N4BP1: variants seen among roughly 807,000 people sequenced by gnomAD.
N4BP1 encodes NEDD4-binding protein 1.
A neutral mutation model predicts 70.9 loss-of-function variants in N4BP1; 21 were observed. That is an observed-to-expected ratio of 0.30 (90% CI 0.21 to 0.43). The LOEUF (loss-of-function observed/expected upper bound fraction) is 0.43, where lower values mean the gene tolerates loss of function less well. Ranked by LOEUF, N4BP1 falls within the 20% of genes least tolerant of loss-of-function variation. The pLI is 1.00. For missense variants in N4BP1, 936 were observed against 1,069.4 expected (o/e 0.88, Z 1.74); for synonymous variants, 387 against 394.6 (o/e 0.98, Z 0.23).
At chr16:48,546,414 C>G (rs905153395) in intron 5 of N4BP1, 160 bp from the exon 6 acceptor site, 1 of 428,420 alleles carries the variant, frequency 2.3e-6, no homozygotes, top group African/African-American at 2.0e-5. Flanking sequence ...ACACCCAAGT[C>G]AAACCCTTTT....
chr16:48,560,170 C>G (rs1963832295), intron 2 of N4BP1, among the ~76,000 whole-genome samples: 1 of 152,052 alleles, frequency 6.6e-6, no homozygotes. Context: ...CCAAGACAGG[C>G]TAACTAGAAA....
chr16:48,542,972 C>T lies in N4BP1; in HGVS notation c.2623G>A (p.Asp875Asn). 1 of 1,614,016 alleles carries T rather than the reference C, an allele frequency of 6.2e-7. No homozygotes were observed. Among genetic ancestry groups the T allele is most frequent in the Non-Finnish European group, 8.5e-7 (1 of 1,179,882 alleles). The change falls in exon 7 of 7, where the codon GAC (aspartate) becomes AAC (asparagine). Residue 875 changes from aspartate to asparagine, a missense_variant. Physicochemically the swap from Asp to Asn is conservative, Grantham distance 23. Coordinates refer to ENST00000262384, the MANE Select transcript of N4BP1 (RefSeq NM_153029.4). ...TATGGGTGGGCCACCAAGATCTGGT[C>T]TATTTTCAGTCTTTGCTCTGAGTCA... ...FPDSEQRLKI[D>N]QILVAHPYMK...
Position 48,610,126 on chromosome 16 carries a change from A to G in N4BP1, c.-154T>C. 1 of 218,016 alleles carries G rather than the reference A, an allele frequency of 4.6e-6. No individual in the cohort carries two copies. The highest frequency in any genetic ancestry group is 7.9e-6 in the Non-Finnish European group (1 of 127,144). The allele number at this position is 218,016 out of a possible 1,614,324, so 13.5% of individuals were successfully genotyped here. On this transcript the variant is annotated 5_prime_UTR_variant, in exon 1 of 7. An upstream open reading frame in the 5' UTR loses its in-frame stop. Coordinates refer to ENST00000262384, the MANE Select transcript of N4BP1 (RefSeq NM_153029.4). ...CCGCCGCCCGCCCTCAGGCCCGGCT[A>G]TACCATCCCGCCACGACCGCAGCAG...
In N4BP1 at chr16:48,542,217, A is replaced by C. The variant is rs1294512532; in HGVS notation, c.*687T>G. Reference sequence around the variant, plus strand: ...CACACTGGGCCGTCCCCTTTTGCGCAGGGTGGAAGGGGGAAGGAGGGTGGG... The same window carrying C: ...CACACTGGGCCGTCCCCTTTTGCGCCGGGTGGAAGGGGGAAGGAGGGTGGG... On this transcript the variant is annotated 3_prime_UTR_variant, in exon 7 of 7. Coordinates refer to ENST00000262384, the MANE Select transcript of N4BP1 (RefSeq NM_153029.4). 1 of 151,010 alleles carries C rather than the reference A, an allele frequency of 6.6e-6. No homozygotes were observed. 9.4% of individuals were successfully genotyped at this position (151,010 alleles called of 1,614,324 possible).
chr16:48,606,374 T>C (rs76235746), intron 1 of N4BP1, among the ~76,000 whole-genome samples: 92 of 152,306 alleles, frequency 6.0e-4, no homozygotes, highest in African/African-American at 2.0e-3. Flanking sequence ...AAATCCTCAC[T>C]GACTATTAAA....
rs775483636 is a variant in N4BP1, at chr16:48,547,992, A to G, written c.2225+15T>C. ...ACAAAACTTTTCTGACCAAAGACAA[A>G]GAAGAAAATATTACCTTTTTGTAAT... On this transcript the variant is annotated intron_variant, in intron 5 of 6. Transcript: ENST00000262384. The G allele has an allele frequency of 3.8e-5, 56 of 1,466,540 alleles. No homozygotes were observed. The highest frequency in any genetic ancestry group is 5.1e-5 in the Non-Finnish European group (54 of 1,053,676). 90.8% of individuals were successfully genotyped at this position (1,466,540 alleles called of 1,614,324 possible).
rs751964629 is a variant in N4BP1 at position 48,561,993 on chromosome 16, T to C, written c.650A>G (p.Gln217Arg). Residue 217 changes from glutamine (Q) to arginine (R), a missense_variant, in exon 2 of 7, where the codon CAG becomes CGG. Coordinates refer to ENST00000262384, the MANE Select transcript of N4BP1 (RefSeq NM_153029.4). ...AATATTCAGCCCTGTGGCAGCATTC[T>C]GTGTAAACTCTGTTTGTTGAGAATC... ...MRDSQQTEFT[Q>R]NAATGLNISR... 132 of 1,613,868 alleles carry C rather than the reference T, an allele frequency of 8.2e-5. No homozygotes were observed. The highest frequency in any genetic ancestry group is 4.7e-4 in the East Asian group (21 of 44,890).
At chr16:48,595,449 T>A (rs1228545649) in intron 1 of N4BP1, among the ~76,000 whole-genome samples, 2 of 109,262 alleles carry the variant, frequency 1.8e-5, no homozygotes, top group African/African-American at 7.7e-5. Flanking sequence ...AGAGTGAGAC[T>A]CTGTCTCAAA....
At chr16:48,603,025 C>T (rs972892728) in intron 1 of N4BP1, among the ~76,000 whole-genome samples, 7 of 152,104 alleles carry the variant, frequency 4.6e-5, no homozygotes, top group African/African-American at 1.4e-4. Context: ...TTCATGAAAC[C>T]AGGTACCAGG....
intron 1 of N4BP1, among the ~76,000 whole-genome samples, chr16:48,570,906 C>G (rs1204790241): frequency 6.6e-6 from 1 of 152,206 alleles, no homozygotes; most frequent in Admixed American, 6.5e-5. Context: ...ATTCTCCTGT[C>G]TTGGCCTCCC....
chr16:48,549,150 G>T (rs1177792596), intron 4 of N4BP1, among the ~76,000 whole-genome samples: 6 of 152,154 alleles, frequency 3.9e-5, no homozygotes, highest in Non-Finnish European at 7.3e-5. Context: ...GGACTCACTG[G>T]AATTAAAGGT....
chr16:48,569,299 G>A (rs1963983664), intron 1 of N4BP1, among the ~76,000 whole-genome samples: 1 of 152,226 alleles, frequency 6.6e-6, no homozygotes, highest in Non-Finnish European at 1.5e-5. Flanking sequence ...TTAGCAGATA[G>A]TTGACGTAAT....
intron 5 of N4BP1, 111 bp from the exon 6 acceptor site, chr16:48,546,365 C>G (rs1010943235): frequency 1.5e-6 from 1 of 663,700 alleles, no homozygotes. Flanking sequence ...GGTCAGCCTA[C>G]AAATCCTAAG....
chr16:48,546,130 T>C lies in N4BP1; in HGVS notation c.2333+17A>G. The stretch of plus-strand genomic sequence containing the variant: ...AAATAGAAGTTTTAATACAAGACAA[T>C]CTGAAAAAGGAAATACCTAAGACAG... On this transcript the variant is annotated intron_variant, in intron 6 of 6. Transcript: ENST00000262384. The C allele has an allele frequency of 6.5e-7, 1 of 1,538,720 alleles. No individual in the cohort carries two copies. The highest frequency in any genetic ancestry group is 9.0e-7 in the Non-Finnish European group (1 of 1,116,480).
At chr16:48,609,333 A>G (rs1182879659) in intron 1 of N4BP1, among the ~76,000 whole-genome samples, 1 of 152,234 alleles carries the variant, frequency 6.6e-6, no homozygotes, top group African/African-American at 2.4e-5. Context: ...AAAAAGGCTC[A>G]GAACTGCAGT....
At chr16:48,553,819 A>C (rs1287272879) in intron 2 of N4BP1, 150 bp from the exon 3 acceptor site, 2 of 671,688 alleles carry the variant, frequency 3.0e-6, no homozygotes, top group Non-Finnish European at 4.7e-6. Context: ...TTAGTTGCAC[A>C]AAGTTAGGAT....
At chr16:48,606,164 C>T (rs1964579681) in intron 1 of N4BP1, among the ~76,000 whole-genome samples, 1 of 152,138 alleles carries the variant, frequency 6.6e-6, no homozygotes, top group Non-Finnish European at 1.5e-5. Flanking sequence ...GGTGGCCCCA[C>T]CAGTCAATAG....
At position 48,546,019 on chromosome 16, in the gene N4BP1, C is replaced by A. The variant is rs1341861471; in HGVS notation, c.2333+128G>T. 3.1e-5 allele frequency: 17 copies of A among 555,192 alleles called. No individual in the cohort carries two copies. In the East Asian group the frequency reaches 5.0e-4, roughly 16 times the overall value. The allele number at this position is 555,192 out of a possible 1,614,324, so 34.4% of individuals were successfully genotyped here. On this transcript the variant is annotated intron_variant, in intron 6 of 6. Coordinates refer to ENST00000262384, the MANE Select transcript of N4BP1 (RefSeq NM_153029.4). ...TTCCAGCCTCGGTGACAGAGGAAGA[C>A]CTTGTCTCAAAAAAAAAAAAAATAA...
In N4BP1 at chr16:48,548,060, A is replaced by G; in HGVS notation, c.2172T>C (p.Asn724=). ...KTGGIIVTND[N]FREFVNESVS... ...CTGACTCATTCACAAATTCTCTGAAATTATCATTTGTCACAATTATGCCAC... is the reference window on the plus strand; with the variant it reads ...CTGACTCATTCACAAATTCTCTGAAGTTATCATTTGTCACAATTATGCCAC... Residue 724 remains asparagine (N), a synonymous_variant, in exon 5 of 7, where the codon AAT becomes AAC. Coordinates refer to ENST00000262384, the MANE Select transcript of N4BP1 (RefSeq NM_153029.4). 1 of 1,612,966 alleles carries G rather than the reference A, an allele frequency of 6.2e-7. No homozygotes were observed. Among genetic ancestry groups the G allele is most frequent in the Non-Finnish European group, 8.5e-7 (1 of 1,178,926 alleles).
Sources: gnomAD v4.1 joint callset for allele counts (sites outside exome capture counted in the v4.1 genomes callset) on GRCh38, gnomAD v4.1.1 for gene constraint, MANE v1.5 for transcripts, NCBI Gene and HGNC (gene_info 2026-07-23, HGNC 2026-07-21) for gene names.